Variants in JARID2 observed in about 807,000 individuals in gnomAD.
JARID2 encodes jumonji and AT-rich interaction domain containing 2.
A neutral mutation model predicts 125.6 loss-of-function variants in JARID2; 21 were observed. The observed-to-expected ratio is 0.17, with a 90% CI of 0.12 to 0.24. JARID2 has a LOEUF of 0.24. Ranked by LOEUF, JARID2 falls within the 10% of genes least tolerant of loss-of-function variation. The pLI is 1.00. For synonymous variants in JARID2, 736 were observed against 661.6 expected, an observed-to-expected ratio of 1.11 and a Z score of -1.73; for missense variants, 1,303 against 1,639.6, an observed-to-expected ratio of 0.79 and a Z score of 3.55.
chr6:15,477,368 C>G (rs1769393534), intron 5 of JARID2, among the ~76,000 whole-genome samples: 1 of 151,968 alleles, frequency 6.6e-6, no homozygotes, highest in Non-Finnish European at 1.5e-5. Flanking sequence ...CACTCTGTAA[C>G]AGACAAATGC....
At chr6:15,251,359 G>C (rs1759444604) in intron 1 of JARID2, among the ~76,000 whole-genome samples, 1 of 152,180 alleles carries the variant, frequency 6.6e-6, no homozygotes, top group African/African-American at 2.4e-5. Flanking sequence ...GCTCATGATG[G>C]TGTGAGGACT....
intron 1 of JARID2, among the ~76,000 whole-genome samples, chr6:15,354,255 G>C (rs911348405): frequency 6.6e-6 from 1 of 152,154 alleles, no homozygotes; most frequent in African/African-American, 2.4e-5. Context: ...TGGATAAGGG[G>C]GCCACAAGCC....
chr6:15,258,807 CA>C (rs1267708761), intron 1 of JARID2, among the ~76,000 whole-genome samples: 2 of 152,152 alleles, frequency 1.3e-5, no homozygotes, highest in Non-Finnish European at 2.9e-5. Context: ...AGCAGAACAC[CA>C]ACTGTGACTA....
chr6:15,512,818 A>G, intron 14 of JARID2, 97 bp from the exon 15 acceptor site: 1 of 1,221,544 alleles, frequency 8.2e-7, no homozygotes, highest in Non-Finnish European at 1.2e-6. Context: ...CAAGATTTAG[A>G]AATTCAGACA....
At chr6:15,273,180 G>A (rs1760365850) in intron 1 of JARID2, among the ~76,000 whole-genome samples, 1 of 152,172 alleles carries the variant, frequency 6.6e-6, no homozygotes, top group South Asian at 2.1e-4. Context: ...GCAGTTGCAT[G>A]TAGTGGTCTC....
At chr6:15,454,563 G>C (rs375242369) in intron 4 of JARID2, among the ~76,000 whole-genome samples, 3 of 151,914 alleles carry the variant, frequency 2.0e-5, no homozygotes, top group East Asian at 3.9e-4. Context: ...AAGCAGCCTC[G>C]ACCTCCTGGG....
intron 2 of JARID2, chr6:15,400,826 T>A: frequency 7.9e-7 from 1 of 1,269,494 alleles, no homozygotes; most frequent in Non-Finnish European, 1.0e-6. Flanking sequence ...GCACTGCCGC[T>A]TGCTTATTAC....
rs765543060 is a variant in JARID2, at chr6:15,496,098, G to A, written c.907-34G>A. On this transcript the variant is annotated intron_variant, in intron 6 of 17. Coordinates refer to ENST00000341776, the MANE Select transcript of JARID2 (RefSeq NM_004973.4). ...TTTTAGTGGCAGGTACTAATTCTGC[G>A]TTTTTTTCCACCTCTGCTTCTGCTG... is the stretch of plus-strand genomic sequence containing the variant. The A allele has an allele frequency of 4.4e-5, 68 of 1,562,138 alleles. No homozygotes were observed. The South Asian group carries it at 5.6e-4, about 13-fold the overall frequency.
chr6:15,520,871 G>A lies in JARID2; in HGVS notation c.*620G>A, dbSNP rs1413736068. On this transcript the variant is annotated 3_prime_UTR_variant, in exon 18 of 18. Transcript: ENST00000341776. ...AGGTGGAACGAGGAGACGGGAGCGAGTGGGCTCTCCACCAGCACATCACTA... is the reference window on the plus strand; with the variant it reads ...AGGTGGAACGAGGAGACGGGAGCGAATGGGCTCTCCACCAGCACATCACTA... The A allele has an allele frequency of 4.4e-6, 2 of 455,718 alleles. No individual in the cohort carries two copies. The highest frequency in any genetic ancestry group is 4.7e-5 in the Admixed American group (2 of 42,552). 28.2% of individuals were successfully genotyped at this position (455,718 alleles called of 1,614,324 possible). A position where few individuals can be genotyped will look rare whatever the true frequency, so the allele number is the denominator to read the frequency against.
rs1359703990 is a variant in JARID2, at chr6:15,501,397, G to A, written c.2436G>A (p.Lys812=). 1 of 1,544,804 alleles carries A rather than the reference G, an allele frequency of 6.5e-7. No homozygotes were observed. The highest frequency in any genetic ancestry group is 1.2e-5 in the South Asian group (1 of 80,120). Reference sequence around the variant, plus strand: ...AAGGCGTCCTCAATGACTTCCACAAGTGCATCTATAAGGTAGGGGCCTCCG... The same window carrying A: ...AAGGCGTCCTCAATGACTTCCACAAATGCATCTATAAGGTAGGGGCCTCCG... ...EDKGVLNDFH[K]CIYKGRSVSL... is the part of the protein sequence containing the mutation. The change falls in exon 8 of 18, where the codon AAG becomes AAA. Residue 812 remains lysine (K), a synonymous_variant. Coordinates refer to ENST00000341776, the MANE Select transcript of JARID2 (RefSeq NM_004973.4).
intron 5 of JARID2, among the ~76,000 whole-genome samples, chr6:15,482,132 G>C (rs1395792763): frequency 6.6e-6 from 1 of 152,234 alleles, no homozygotes; most frequent in Admixed American, 6.5e-5. Context: ...AAGTGTCTGT[G>C]AAAGTCCCAG....
intron 1 of JARID2, among the ~76,000 whole-genome samples, chr6:15,347,984 G>A (rs1178861148): frequency 6.6e-6 from 1 of 152,118 alleles, no homozygotes; most frequent in African/African-American, 2.4e-5. Context: ...GAACTCCTGG[G>A]CTCAAGAGGA....
rs563963746 is a variant in JARID2, at chr6:15,451,922, T to C, written c.324-84T>C. ...TGAAATAGGATCTTTTTTCCCCTTA[T>C]GTGTCATGATTTTATTGCCGCACGT... On this transcript the variant is annotated intron_variant, in intron 3 of 17. Coordinates refer to ENST00000341776, the MANE Select transcript of JARID2 (RefSeq NM_004973.4). 1.4e-5 allele frequency: 19 copies of C among 1,314,252 alleles called. No individual in the cohort carries two copies. In the East Asian group the frequency reaches 2.0e-4, roughly 14 times the overall value. 81.4% of individuals were successfully genotyped at this position (1,314,252 alleles called of 1,614,324 possible). A position where few individuals can be genotyped will look rare whatever the true frequency, so the allele number is the denominator to read the frequency against.
chr6:15,458,336 C>A (rs907224451), intron 4 of JARID2, among the ~76,000 whole-genome samples: 3 of 152,200 alleles, frequency 2.0e-5, no homozygotes, highest in Non-Finnish European at 4.4e-5. Context: ...AGCATGCAAA[C>A]CTACATACAC....
At chr6:15,268,668 A>T (rs912938060) in intron 1 of JARID2, among the ~76,000 whole-genome samples, 2 of 152,166 alleles carry the variant, frequency 1.3e-5, no homozygotes, top group African/African-American at 4.8e-5. Context: ...TCACATGCAC[A>T]CGTCTCCCTC....
At chr6:15,359,036 C>T (rs1763700934) in intron 1 of JARID2, among the ~76,000 whole-genome samples, 1 of 152,216 alleles carries the variant, frequency 6.6e-6, no homozygotes, top group Non-Finnish European at 1.5e-5. Flanking sequence ...GAAGCTTGAA[C>T]ACAAACCACC....
intron 16 of JARID2, among the ~76,000 whole-genome samples, chr6:15,515,066 T>C (rs577096980): frequency 6.6e-5 from 10 of 152,194 alleles, no homozygotes; most frequent in Non-Finnish European, 1.2e-4. Flanking sequence ...TTTTGTTTGT[T>C]TGAGACAGTC....
chr6:15,477,046 G>A (rs549016863), intron 5 of JARID2, among the ~76,000 whole-genome samples: 1 of 152,258 alleles, frequency 6.6e-6, no homozygotes, highest in East Asian at 1.9e-4. Context: ...AAAAACGGAA[G>A]GAAGAAGAGT....
chr6:15,396,572 C>A (rs1021344411), intron 2 of JARID2, among the ~76,000 whole-genome samples: 1 of 152,136 alleles, frequency 6.6e-6, no homozygotes, highest in Admixed American at 6.5e-5. Context: ...GTCGCTATTA[C>A]CAAACCCTGT....
Sources: gnomAD v4.1 joint callset for allele counts (sites outside exome capture counted in the v4.1 genomes callset) on GRCh38, gnomAD v4.1.1 for gene constraint, MANE v1.5 for transcripts, NCBI Gene and HGNC (gene_info 2026-07-23, HGNC 2026-07-21) for gene names.